FSIP1: variants seen among roughly 807,000 people sequenced by gnomAD.
FSIP1 encodes the protein fibrous sheath-interacting protein 1.
In FSIP1, 65 loss-of-function variants were observed where a neutral mutation model predicts 60.9. The ratio of observed to expected loss-of-function variants is 1.07; its 90% CI spans 0.87 to 1.31. FSIP1 has a LOEUF of 1.31. Among genes scored for constraint, FSIP1 ranks in the 40% most tolerant of loss-of-function variants. The pLI, the probability that FSIP1 is intolerant of heterozygous loss-of-function variation, is 0.00. For missense variants in FSIP1, 675 were observed against 665.5 expected (o/e 1.01, Z -0.16); for synonymous variants, 209 against 221.2 (o/e 0.94, Z 0.49).
At chr15:39,764,635 T>C (rs2140705234) in intron 4 of FSIP1, among the ~76,000 whole-genome samples, 1 of 152,236 alleles carries the variant, frequency 6.6e-6, no homozygotes, top group Non-Finnish European at 1.5e-5. Flanking sequence ...AATGCCAACA[T>C]CTAGTCAACT....
intron 2 of FSIP1, among the ~76,000 whole-genome samples, chr15:39,771,698 A>G (rs1897893906): frequency 6.6e-6 from 1 of 152,242 alleles, no homozygotes; most frequent in Non-Finnish European, 1.5e-5. Context: ...AAACAGACCT[A>G]GCAGAAAACG....
intron 10 of FSIP1, among the ~76,000 whole-genome samples, chr15:39,674,912 C>T (rs113265976): frequency 0.012 from 1,873 of 152,162 alleles, 32 homozygotes; most frequent in African/African-American, 0.041. Flanking sequence ...AAGCTACAAA[C>T]TGGGAGAGGA....
At chr15:39,643,114 G>A (rs1051422389) in intron 10 of FSIP1, among the ~76,000 whole-genome samples, 15 of 152,132 alleles carry the variant, frequency 9.9e-5, no homozygotes, top group African/African-American at 1.4e-4. Flanking sequence ...AAATGTGGCC[G>A]AATAATAACA....
At chr15:39,724,598 T>A (rs1896118328) in intron 9 of FSIP1, among the ~76,000 whole-genome samples, 1 of 152,226 alleles carries the variant, frequency 6.6e-6, no homozygotes, top group South Asian at 2.1e-4. Flanking sequence ...AACAAATCTC[T>A]GAATTCTCTG....
chr15:39,633,655 T>A (rs1489556215), intron 10 of FSIP1, among the ~76,000 whole-genome samples: 1 of 152,236 alleles, frequency 6.6e-6, no homozygotes, highest in East Asian at 1.9e-4. Flanking sequence ...CGTAGTTAAT[T>A]GAATAAATAT....
chr15:39,612,939 T>C (rs73391276), intron 11 of FSIP1, among the ~76,000 whole-genome samples: 2,381 of 152,104 alleles, frequency 0.016, 61 homozygotes, highest in African/African-American at 0.054. Context: ...ATAAGATACA[T>C]TGCAGCCATC....
chr15:39,655,714 C>T (rs889177834), intron 10 of FSIP1, among the ~76,000 whole-genome samples: 1 of 151,970 alleles, frequency 6.6e-6, no homozygotes, highest in Non-Finnish European at 1.5e-5. Context: ...CTAGAGAAAC[C>T]CCATCCTCCT....
intron 10 of FSIP1, among the ~76,000 whole-genome samples, chr15:39,646,858 GAT>G (rs1892637295): frequency 6.6e-6 from 1 of 152,146 alleles, no homozygotes; most frequent in Non-Finnish European, 1.5e-5. Flanking sequence ...CAGAAACTGT[GAT>G]ATACACACAT....
intron 10 of FSIP1, among the ~76,000 whole-genome samples, chr15:39,636,404 G>A (rs1892140695): frequency 6.6e-6 from 1 of 152,110 alleles, no homozygotes. Context: ...TCCTACCTTT[G>A]ACTTTGTCAT....
intron 1 of FSIP1, among the ~76,000 whole-genome samples, chr15:39,779,511 T>A (rs1252673760): frequency 6.6e-6 from 1 of 152,214 alleles, no homozygotes; most frequent in African/African-American, 2.4e-5. Flanking sequence ...TCACCCAACA[T>A]CCCACCACCC....
At chr15:39,728,597 G>A (rs958988726) in intron 8 of FSIP1, among the ~76,000 whole-genome samples, 2 of 152,312 alleles carry the variant, frequency 1.3e-5, no homozygotes, top group African/African-American at 4.8e-5. Context: ...GCAGAAGACT[G>A]AAACCAGAAT....
intron 11 of FSIP1, among the ~76,000 whole-genome samples, chr15:39,608,927 A>G (rs1397743826): frequency 6.6e-6 from 1 of 152,030 alleles, no homozygotes; most frequent in East Asian, 1.9e-4. Context: ...TGACCACATC[A>G]CCACTCCCCC....
intron 5 of FSIP1, among the ~76,000 whole-genome samples, chr15:39,747,711 T>G (rs944897792): frequency 6.6e-6 from 1 of 152,200 alleles, no homozygotes. Context: ...TCCATTTTTA[T>G]AGGTAAAATA....
chr15:39,685,702 G>C (rs955780308), intron 10 of FSIP1, among the ~76,000 whole-genome samples: 9 of 151,646 alleles, frequency 5.9e-5, no homozygotes, highest in African/African-American at 2.2e-4. Flanking sequence ...CATCTCATCT[G>C]AAAAAAAAAT....
chr15:39,635,107 G>A (rs933677021), intron 10 of FSIP1, among the ~76,000 whole-genome samples: 10 of 152,140 alleles, frequency 6.6e-5, no homozygotes, highest in Admixed American at 3.3e-4. Context: ...AAGCCGAGGC[G>A]GGCGGATCAC....
At chr15:39,778,852 TA>T (rs1290814295) in intron 1 of FSIP1, among the ~76,000 whole-genome samples, 4 of 151,924 alleles carry the variant, frequency 2.6e-5, no homozygotes, top group East Asian at 3.8e-4. Flanking sequence ...TTATAAGTAA[TA>T]AAAAATATGA....
At chr15:39,623,759 G>T (rs958040741) in intron 10 of FSIP1, among the ~76,000 whole-genome samples, 1 of 152,156 alleles carries the variant, frequency 6.6e-6, no homozygotes, top group Non-Finnish European at 1.5e-5. Flanking sequence ...GTATAGACTG[G>T]CCTTTCAGAG....
intron 5 of FSIP1, among the ~76,000 whole-genome samples, chr15:39,755,143 T>C (rs1330564470): frequency 1.3e-5 from 2 of 152,002 alleles, no homozygotes; most frequent in African/African-American, 2.4e-5. Flanking sequence ...TTTGATTCTG[T>C]TTTAGGACTA....
chr15:39,679,283 C>A (rs1403930416), intron 10 of FSIP1, among the ~76,000 whole-genome samples: 3 of 152,166 alleles, frequency 2.0e-5, no homozygotes, highest in African/African-American at 4.8e-5. Flanking sequence ...ATCTTAAAAT[C>A]TAGCTTTACA....
Sources: allele counts gnomAD v4.1 joint callset (sites outside exome capture counted in the v4.1 genomes callset), GRCh38; gene constraint gnomAD v4.1.1; transcripts MANE v1.5; gene names NCBI Gene and HGNC (gene_info 2026-07-23, HGNC 2026-07-21).